KAT2B: variants seen among roughly 807,000 people sequenced by gnomAD.
The protein encoded by KAT2B is histone acetyltransferase KAT2B.
A neutral mutation model predicts 105.9 loss-of-function variants in KAT2B; 36 were observed. The observed-to-expected ratio is 0.34, with a 90% CI of 0.26 to 0.45. The LOEUF (loss-of-function observed/expected upper bound fraction) is 0.45. Among genes scored for constraint, KAT2B ranks in the 20% least tolerant of loss-of-function variants. The pLI is 1.00. For missense variants in KAT2B, 820 were observed against 1,021.6 expected (o/e 0.80, Z 2.69); for synonymous variants, 397 against 377.9 (o/e 1.05, Z -0.59).
chr3:20,117,924 G>A (rs575038040), intron 7 of KAT2B, among the ~76,000 whole-genome samples: 1 of 152,152 alleles, frequency 6.6e-6, no homozygotes, highest in East Asian at 1.9e-4. Flanking sequence ...AACTCACAGA[G>A]TTACAAGAAG....
intron 2 of KAT2B, among the ~76,000 whole-genome samples, chr3:20,083,440 T>A (rs191686446): frequency 1.3e-5 from 2 of 152,198 alleles, no homozygotes; most frequent in Non-Finnish European, 2.9e-5. Context: ...GTCAGTATAG[T>A]AAATAGTTTA....
intron 9 of KAT2B, 56 bp from the exon 10 acceptor site, chr3:20,125,849 C>T: frequency 7.1e-7 from 1 of 1,400,586 alleles, no homozygotes. Context: ...GTGTCCCATC[C>T]CCACTGTCTT....
At chr3:20,063,792 C>T (rs557697989) in intron 1 of KAT2B, among the ~76,000 whole-genome samples, 43 of 152,104 alleles carry the variant, frequency 2.8e-4, no homozygotes, top group Admixed American at 7.9e-4. Context: ...CCAACTGCTT[C>T]GGCCTCCCCA....
chr3:20,152,391 A>C lies in KAT2B; in HGVS notation c.2365A>C (p.Met789Leu). ...NRYYVSKKLF[M>L]ADLQRVFTNC... ...GTACTACGTGTCTAAGAAATTATTC[A>C]TGGCAGACTTACAGCGAGTCTTTAC... is the stretch of plus-strand genomic sequence containing the variant. The change falls in exon 18 of 18, where the codon ATG becomes CTG. Residue 789 changes from methionine to leucine, a missense_variant. Around this residue, in one of 6 missense-constraint regions of KAT2B, gnomAD observed 227 missense variants for 292.9 expected, o/e 0.77. Transcript: ENST00000263754. The C allele has an allele frequency of 6.2e-7, 1 of 1,613,606 alleles. No homozygotes were observed. The highest frequency in any genetic ancestry group is 8.5e-7 in the Non-Finnish European group (1 of 1,179,638).
intron 3 of KAT2B, 145 bp downstream of exon 3, chr3:20,095,553 G>T: frequency 1.7e-6 from 1 of 572,908 alleles, no homozygotes; most frequent in Non-Finnish European, 3.1e-6. Flanking sequence ...CTTCATGACT[G>T]ATTCTCTAAA....
At chr3:20,131,203 A>G (rs1699505994) in intron 11 of KAT2B, among the ~76,000 whole-genome samples, 1 of 151,814 alleles carries the variant, frequency 6.6e-6, no homozygotes. Flanking sequence ...TTTAACAGAA[A>G]TGGTGTTTCA....
At position 20,040,447 on chromosome 3, in the gene KAT2B, C is replaced by T; in HGVS notation, c.-31C>T. The stretch of plus-strand genomic sequence containing the variant: ...CTGGCGGCGGCGGCGGCGCCTGACA[C>T]TCGGCGCCTCCTGCCGTGCTCCGGG... On this transcript the variant is annotated 5_prime_UTR_variant, in exon 1 of 18. Coordinates refer to ENST00000263754, the MANE Select transcript of KAT2B (RefSeq NM_003884.5). 9.1e-7 allele frequency: 1 copy of T among 1,095,304 alleles called. No individual in the cohort carries two copies. Among genetic ancestry groups the T allele is most frequent in the Non-Finnish European group, 1.1e-6 (1 of 902,376 alleles). The allele number at this position is 1,095,304 out of a possible 1,614,324, so 67.8% of individuals were successfully genotyped here.
At chr3:20,056,861 C>A (rs1381102341) in intron 1 of KAT2B, among the ~76,000 whole-genome samples, 1 of 152,206 alleles carries the variant, frequency 6.6e-6, no homozygotes, top group African/African-American at 2.4e-5. Context: ...CACACCCCTT[C>A]TCTAAGCATT....
At chr3:20,135,763 G>A (rs1699589591) in intron 11 of KAT2B, among the ~76,000 whole-genome samples, 1 of 152,164 alleles carries the variant, frequency 6.6e-6, no homozygotes, top group South Asian at 2.1e-4. Flanking sequence ...GACTGGGAAA[G>A]TACGGATGGG....
At chr3:20,060,003 G>A (rs1698072449) in intron 1 of KAT2B, among the ~76,000 whole-genome samples, 1 of 152,176 alleles carries the variant, frequency 6.6e-6, no homozygotes, top group South Asian at 2.1e-4. Flanking sequence ...TTTATGATGG[G>A]CTTCTTATGC....
intron 13 of KAT2B, 110 bp from the exon 14 acceptor site, chr3:20,146,206 A>G (rs1699780639): frequency 7.3e-6 from 5 of 682,862 alleles, no homozygotes; most frequent in South Asian, 5.2e-5. Context: ...CTCCCATCTT[A>G]TTTCATAAAA....
At chr3:20,050,077 A>C (rs1254820117) in intron 1 of KAT2B, among the ~76,000 whole-genome samples, 1 of 151,958 alleles carries the variant, frequency 6.6e-6, no homozygotes, top group African/African-American at 2.4e-5. Flanking sequence ...GCTTGCACCT[A>C]TAGTCCCAGC....
intron 1 of KAT2B, among the ~76,000 whole-genome samples, chr3:20,061,225 T>TA: frequency 1.3e-5 from 2 of 152,336 alleles, no homozygotes; most frequent in South Asian, 4.1e-4. Flanking sequence ...AGTGGAATCA[T>TA]ACAGTATTTG....
chr3:20,101,013 A>G, intron 4 of KAT2B: 1 of 438,570 alleles, frequency 2.3e-6, no homozygotes. Context: ...TTTTCAGTCC[A>G]TGGTTTTGAT....
intron 6 of KAT2B, among the ~76,000 whole-genome samples, chr3:20,112,408 T>C (rs1699138600): frequency 6.6e-6 from 1 of 152,184 alleles, no homozygotes; most frequent in Admixed American, 6.5e-5. Flanking sequence ...AAATGATCAT[T>C]TAAATATTTT....
In KAT2B at chr3:20,148,750, G is replaced by A. The variant is rs550555888; in HGVS notation, c.2305+263G>A. On this transcript the variant is annotated intron_variant, in intron 17 of 17. Coordinates refer to ENST00000263754, the MANE Select transcript of KAT2B (RefSeq NM_003884.5). Reference sequence around the variant, plus strand: ...AGAAAATCCACGGTAACTGCAGACAGCACTAGATTTGAAAGCTGGCACTTT... The same window carrying A: ...AGAAAATCCACGGTAACTGCAGACAACACTAGATTTGAAAGCTGGCACTTT... 334 of 360,998 alleles carry A rather than the reference G, an allele frequency of 9.3e-4. 1 individual carries two copies. Among genetic ancestry groups the A allele is most frequent in the Middle Eastern group, 7.4e-3 (10 of 1,344 alleles). 22.4% of individuals were successfully genotyped at this position (360,998 alleles called of 1,614,324 possible).
chr3:20,100,962 C>A, intron 4 of KAT2B: 1 of 299,716 alleles, frequency 3.3e-6, no homozygotes, highest in African/African-American at 2.2e-5. Flanking sequence ...AATAATTATT[C>A]TGCACAACAG....
intron 12 of KAT2B, among the ~76,000 whole-genome samples, chr3:20,140,004 C>A (rs1699669791): frequency 6.6e-6 from 1 of 152,098 alleles, no homozygotes; most frequent in South Asian, 2.1e-4. Flanking sequence ...TTTATTAGGG[C>A]CATTTAAAAA....
chr3:20,145,846 A>T (rs2686316), intron 13 of KAT2B, among the ~76,000 whole-genome samples: 119,946 of 152,102 alleles, frequency 0.79, 47,854 homozygotes, highest in East Asian at 0.96. Flanking sequence ...AAGCTTTAAC[A>T]ACTGTAGGCT....
Sources: gnomAD v4.1 joint callset for allele counts (sites outside exome capture counted in the v4.1 genomes callset) on GRCh38, gnomAD v4.1.1 for gene constraint, gnomAD v4.1.1 regional missense constraint, MANE v1.5 for transcripts, NCBI Gene and HGNC (gene_info 2026-07-23, HGNC 2026-07-21) for gene names.